WDR27: variants seen among roughly 807,000 people sequenced by gnomAD.
WDR27 encodes WD repeat-containing protein 27.
WDR27 carries 100 observed loss-of-function variants against 114.4 expected under a neutral mutation model. The observed-to-expected ratio is 0.87, with a 90% CI of 0.74 to 1.03. The LOEUF (loss-of-function observed/expected upper bound fraction) is 1.03. Ranked by LOEUF, WDR27 falls within the 50% of genes least tolerant of loss-of-function variation. The pLI, the probability that WDR27 is intolerant of heterozygous loss-of-function variation, is 0.00. For missense variants in WDR27, 1,129 were observed against 1,092.9 expected (o/e 1.03, Z -0.47); for synonymous variants, 449 against 423.1 (o/e 1.06, Z -0.75).
intron 22 of WDR27, 133 bp downstream of exon 22, chr6:169,613,426 G>A (rs918524968): frequency 7.6e-6 from 5 of 660,234 alleles, no homozygotes; most frequent in Non-Finnish European, 1.0e-5. Context: ...ACTTTTCTGT[G>A]CATAAATCAG....
chr6:169,652,919 A>C (rs1375797231), intron 13 of WDR27, among the ~76,000 whole-genome samples: 1 of 152,234 alleles, frequency 6.6e-6, no homozygotes. Context: ...TAAAAATTCC[A>C]CTTTTAAGGA....
At chr6:169,603,345 ATT>A (rs992760901) in intron 22 of WDR27, among the ~76,000 whole-genome samples, 2 of 151,982 alleles carry the variant, frequency 1.3e-5, no homozygotes, top group African/African-American at 4.8e-5. Flanking sequence ...TTGTCACAAT[ATT>A]TGTCATAAAT....
At chr6:169,672,999 T>C (rs1044923412) in intron 2 of WDR27, among the ~76,000 whole-genome samples, 2 of 152,128 alleles carry the variant, frequency 1.3e-5, no homozygotes, top group Non-Finnish European at 2.9e-5. Context: ...GGGGGTATAC[T>C]GGGCTGGAGA....
the WDR27 span, among the ~76,000 whole-genome samples, chr6:169,449,886 T>C: frequency 6.6e-6 from 1 of 152,154 alleles, no homozygotes; most frequent in African/African-American, 2.4e-5. Flanking sequence ...CACACTAAAC[T>C]ACCACAATAT....
intron 25 of WDR27, among the ~76,000 whole-genome samples, chr6:169,516,708 A>T (rs959501415): frequency 5.3e-5 from 8 of 151,442 alleles, no homozygotes; most frequent in African/African-American, 1.9e-4. Context: ...AGAACCTGAG[A>T]CGGCTCTGAA....
intron 8 of WDR27, chr6:169,663,797 G>A: frequency 4.7e-6 from 1 of 213,762 alleles, no homozygotes; most frequent in Non-Finnish European, 9.3e-6. Context: ...GGGACGTGGA[G>A]GGTGCTGGGT....
At chr6:169,429,739 C>A in the WDR27 span, among the ~76,000 whole-genome samples, 1 of 152,204 alleles carries the variant, frequency 6.6e-6, no homozygotes, top group African/African-American at 2.4e-5. Flanking sequence ...CAGATTTCTG[C>A]AACCCACAAT....
chr6:169,520,678 C>T (rs556537771), intron 25 of WDR27, among the ~76,000 whole-genome samples: 12 of 151,736 alleles, frequency 7.9e-5, no homozygotes, highest in Admixed American at 2.0e-4. Context: ...AGAAATTTAT[C>T]AGAAAAAATT....
At chr6:169,576,299 A>T (rs1375004969) in intron 24 of WDR27, among the ~76,000 whole-genome samples, 1 of 152,228 alleles carries the variant, frequency 6.6e-6, no homozygotes, top group East Asian at 1.9e-4. Context: ...ACCTTGCCCC[A>T]TGGCAGCCAG....
intron 25 of WDR27, among the ~76,000 whole-genome samples, chr6:169,484,863 C>A (rs569616265): frequency 6.6e-6 from 1 of 152,180 alleles, no homozygotes; most frequent in African/African-American, 2.4e-5. Flanking sequence ...AGAAATAAGG[C>A]CACACACCTA....
intron 25 of WDR27, among the ~76,000 whole-genome samples, chr6:169,530,028 A>G (rs1426804170): frequency 6.6e-6 from 1 of 152,244 alleles, no homozygotes; most frequent in Non-Finnish European, 1.5e-5. Context: ...GAAATTGAGC[A>G]GAACTAAAAT....
intron 25 of WDR27, among the ~76,000 whole-genome samples, chr6:169,528,195 A>G (rs1369169778): frequency 2.0e-5 from 3 of 152,248 alleles, no homozygotes; most frequent in African/African-American, 7.2e-5. Context: ...TAATAAAAAT[A>G]GATCTAAGGA....
At chr6:169,627,540 C>A (rs1429275673) in intron 21 of WDR27, among the ~76,000 whole-genome samples, 1 of 152,130 alleles carries the variant, frequency 6.6e-6, no homozygotes, top group Non-Finnish European at 1.5e-5. Context: ...AGATCGTCTA[C>A]GTACTGGAGC....
intron 25 of WDR27, among the ~76,000 whole-genome samples, chr6:169,468,943 A>G (rs58259840): frequency 0.018 from 2,666 of 152,200 alleles, 81 homozygotes; most frequent in African/African-American, 0.061. Flanking sequence ...ATGTGGAGAG[A>G]AACATCTCTC....
chr6:169,441,363 AG>A, the WDR27 span, among the ~76,000 whole-genome samples: 1 of 152,266 alleles, frequency 6.6e-6, no homozygotes, highest in South Asian at 2.1e-4. Context: ...CTTGATCAAA[AG>A]GGGGAAATGT....
chr6:169,428,954 G>A, the WDR27 span, among the ~76,000 whole-genome samples: 3 of 152,198 alleles, frequency 2.0e-5, no homozygotes, highest in African/African-American at 7.2e-5. Context: ...ACTGGAAATG[G>A]AGCTTGCACC....
At chr6:169,696,838 C>T (rs1021005781) in intron 1 of WDR27, among the ~76,000 whole-genome samples, 2 of 152,154 alleles carry the variant, frequency 1.3e-5, no homozygotes, top group Non-Finnish European at 2.9e-5. Context: ...CACTTGAACC[C>T]GGGAGGCGGA....
At chr6:169,532,772 T>C (rs1326196222) in intron 25 of WDR27, among the ~76,000 whole-genome samples, 1 of 151,810 alleles carries the variant, frequency 6.6e-6, no homozygotes, top group Non-Finnish European at 1.5e-5. Flanking sequence ...AATTGCAACC[T>C]CTGGCTTCTG....
rs781038260 is a variant in WDR27 at position 169,667,416 on chromosome 6, T to C, written c.661-229A>G. 12 of 1,225,782 alleles carry C rather than the reference T, an allele frequency of 9.8e-6. No individual in the cohort carries two copies. In the South Asian group the frequency reaches 1.4e-4, roughly 14 times the overall value. 75.9% of individuals were successfully genotyped at this position (1,225,782 alleles called of 1,614,324 possible). On this transcript the variant is annotated intron_variant, in intron 5 of 25. Coordinates refer to ENST00000448612, the MANE Select transcript of WDR27 (RefSeq NM_182552.5). ...TTCCATAAATAAAACCCTGGTGGAT[T>C]TGAAGAATTGGAAACAAAAATGAAA...
Sources: gnomAD v4.1 joint callset for allele counts (sites outside exome capture counted in the v4.1 genomes callset) on GRCh38, gnomAD v4.1.1 for gene constraint, MANE v1.5 for transcripts, NCBI Gene and HGNC (gene_info 2026-07-23, HGNC 2026-07-21) for gene names.